ZNF596: variants seen among roughly 807,000 people sequenced by gnomAD.
ZNF596 encodes the protein zinc finger protein 596.
ZNF596 carries 45 observed loss-of-function variants against 48.3 expected under a neutral mutation model. That is an observed-to-expected ratio of 0.93 (90% CI 0.73 to 1.19). The LOEUF is 1.19. Among genes scored for constraint, ZNF596 ranks in the 50% most tolerant of loss-of-function variants. The pLI, the probability that ZNF596 is intolerant of heterozygous loss-of-function variation, is 0.00. For synonymous variants in ZNF596, 270 were observed against 202.0 expected, an observed-to-expected ratio of 1.34 and a Z score of -2.85; for missense variants, 848 against 599.7, an observed-to-expected ratio of 1.41 and a Z score of -4.32.
intron 1 of ZNF596, among the ~76,000 whole-genome samples, chr8:238,144 C>G (rs571865737): frequency 3.7e-4 from 57 of 152,310 alleles, no homozygotes; most frequent in African/African-American, 1.3e-3. Flanking sequence ...CCTTGGATGT[C>G]TTTCTTATAC....
chr8:245,751 TTAGGAG>T lies in ZNF596; in HGVS notation c.905_910del (p.Leu302_Asp304delinsTyr). The T allele has an allele frequency of 6.2e-7, 1 of 1,611,102 alleles. No individual in the cohort carries two copies. The highest frequency in any genetic ancestry group is 1.1e-5 in the South Asian group (1 of 90,926). ...CCTTAGAAAACATGAGAGAACTCACTTAGGAGATAAACCATATGGATGTCTCCTATG... is the reference window on the plus strand; with the variant it reads ...CCTTAGAAAACATGAGAGAACTCACTATAAACCATATGGATGTCTCCTATG... On this transcript the variant is annotated inframe_deletion, in exon 6 of 6. Transcript: ENST00000398612.
chr8:236,213 T>C (rs1796607283), intron 1 of ZNF596, among the ~76,000 whole-genome samples: 1 of 152,260 alleles, frequency 6.6e-6, no homozygotes, highest in African/African-American at 2.4e-5. Context: ...TTTTGTGTGT[T>C]TGCTTTTTTT....
Position 237,526 on chromosome 8 carries a change from C to G in ZNF596, c.-72-3298C>G, listed in dbSNP as rs1000199500. ...ATATCATGAATGTAATTGGAATACCCCTTTGATTTTACTGGTGACGTATAC... is the reference window on the plus strand; with the variant it reads ...ATATCATGAATGTAATTGGAATACCGCTTTGATTTTACTGGTGACGTATAC... On this transcript the variant is annotated intron_variant, in intron 1 of 5. Coordinates refer to ENST00000398612, the MANE Select transcript of ZNF596 (RefSeq NM_001042416.3). 28 of 152,008 alleles carry G rather than the reference C, an allele frequency of 1.8e-4. 1 individual carries two copies. Among genetic ancestry groups the G allele is most frequent in the African/African-American group, 6.3e-4 (26 of 41,404 alleles). The allele number at this position is 152,008 out of a possible 1,614,324, so 9.4% of individuals were successfully genotyped here.
chr8:246,143 T>G lies in ZNF596; in HGVS notation c.1296T>G (p.Ser432=). ...GCGGAAAAGCCTTCAATCACTCTTCTGTCCTTAGACGACATGAGAGAACTC... is the reference window on the plus strand; with the variant it reads ...GCGGAAAAGCCTTCAATCACTCTTCGGTCCTTAGACGACATGAGAGAACTC... ...HLCGKAFNHS[S]VLRRHERTHT... The change falls in exon 6 of 6, where the codon TCT becomes TCG. Residue 432 remains serine, a synonymous_variant. Transcript: ENST00000398612. 1 of 1,613,506 alleles carries G rather than the reference T, an allele frequency of 6.2e-7. No individual in the cohort carries two copies. Among genetic ancestry groups the G allele is most frequent in the South Asian group, 1.1e-5 (1 of 91,080 alleles).
intron 1 of ZNF596, among the ~76,000 whole-genome samples, chr8:236,144 G>A (rs978771697): frequency 1.3e-5 from 2 of 151,988 alleles, no homozygotes; most frequent in African/African-American, 4.8e-5. Context: ...ATTTACATGG[G>A]TCTACAAATT....
rs1796948095 is a variant in ZNF596, at chr8:243,775, CT to C, written c.196del (p.Ser66GlnfsTer5). 5 of 1,613,724 alleles carry C rather than the reference CT, an allele frequency of 3.1e-6. No individual in the cohort carries two copies. Among genetic ancestry groups the C allele is most frequent in the Non-Finnish European group, 3.4e-6 (4 of 1,179,810 alleles). On this transcript the variant is annotated frameshift_variant, in exon 4 of 6. Coordinates refer to ENST00000398612, the MANE Select transcript of ZNF596 (RefSeq NM_001042416.3). LOFTEE classifies it high-confidence loss of function. ...VLSQLEQVEK[L>X]STQRISLLQG... ...TTCCCAATTGGAGCAAGTAGAGAAA[CT>C]TTCAACACAAAGAATAAGCTTACTG...
At chr8:232,938 C>T (rs531957810) in intron 1 of ZNF596, 6 of 469,014 alleles carry the variant, frequency 1.3e-5, no homozygotes, top group South Asian at 7.7e-5. Context: ...TGCTTCTGCA[C>T]AATCGCCTCC....
Position 245,685 on chromosome 8 carries a change from A to G in ZNF596, c.838A>G (p.Ile280Val). The change falls in exon 6 of 6, where the codon ATA becomes GTA. Residue 280 changes from isoleucine (I) to valine (V), a missense_variant. Ile to Val is a conservative substitution (Grantham distance 29). Coordinates refer to ENST00000398612, the MANE Select transcript of ZNF596 (RefSeq NM_001042416.3). The part of the protein sequence containing the change: ...EMIHTREKAQ[I>V]CHLCGKAFTH... The stretch of plus-strand genomic sequence containing the variant: ...GATTCACACTAGAGAAAAAGCACAG[A>G]TATGCCATCTATGTGGGAAAGCCTT... 1 of 1,613,716 alleles carries G rather than the reference A, an allele frequency of 6.2e-7. No homozygotes were observed. The highest frequency in any genetic ancestry group is 8.5e-7 in the Non-Finnish European group (1 of 1,179,902).
intron 1 of ZNF596, 52 bp downstream of exon 1, chr8:232,746 T>C: frequency 7.3e-6 from 3 of 413,564 alleles, no homozygotes; most frequent in South Asian, 5.5e-5. Context: ...CTCGCCCCTC[T>C]TGGCCCCTCA....
intron 1 of ZNF596, among the ~76,000 whole-genome samples, chr8:234,081 G>C (rs141123694): frequency 1.9e-4 from 29 of 152,298 alleles, no homozygotes; most frequent in South Asian, 1.0e-3. Flanking sequence ...ATGAGGAGGA[G>C]GTGTTGGTTC....
chr8:232,914 T>G (rs1584896177), intron 1 of ZNF596: 1 of 469,002 alleles, frequency 2.1e-6, no homozygotes, highest in East Asian at 6.9e-5. Context: ...TGCCCGATCC[T>G]GTAACAACCC....
At chr8:241,440 C>A (rs1429817672) in intron 2 of ZNF596, among the ~76,000 whole-genome samples, 1 of 152,136 alleles carries the variant, frequency 6.6e-6, no homozygotes, top group Non-Finnish European at 1.5e-5. Context: ...ATCTCAAAAT[C>A]TTAATGTCTT....
Position 245,554 on chromosome 8 carries a change from C to T in ZNF596, c.707C>T (p.Ser236Phe). ...TGTGGGAAAGCCTTTACTCATTGCTCTGATCTTCGAAAACATGAGAGAACT... is the reference window on the plus strand; with the variant it reads ...TGTGGGAAAGCCTTTACTCATTGCTTTGATCTTCGAAAACATGAGAGAACT... ...HLCGKAFTHC[S>F]DLRKHERTHT... Residue 236 changes from serine (S) to phenylalanine (F), a missense_variant, in exon 6 of 6, where the codon TCT (serine) becomes TTT (phenylalanine). Ser to Phe is a radical substitution (Grantham distance 155). Transcript: ENST00000398612. The T allele has an allele frequency of 6.8e-6, 11 of 1,614,022 alleles. No homozygotes were observed. The highest frequency in any genetic ancestry group is 9.3e-6 in the Non-Finnish European group (11 of 1,179,980).
chr8:244,888 A>G (rs1264858928), intron 5 of ZNF596, among the ~76,000 whole-genome samples, 187 bp downstream of exon 5: 1 of 152,236 alleles, frequency 6.6e-6, no homozygotes, highest in Non-Finnish European at 1.5e-5. Flanking sequence ...GGACAACTGT[A>G]CAAACTTGAC....
Position 245,545 on chromosome 8 carries a change from C to A in ZNF596, c.698C>A (p.Thr233Asn), listed in dbSNP as rs1290178624. The A allele has an allele frequency of 6.2e-7, 1 of 1,613,956 alleles. No homozygotes were observed. Among genetic ancestry groups the A allele is most frequent in the East Asian group, 2.2e-5 (1 of 44,860 alleles). ...HGCHLCGKAFTHCSDLRKHER... is the reference protein window; with the variant it reads ...HGCHLCGKAFNHCSDLRKHER... ...TGTCATCTATGTGGGAAAGCCTTTA[C>A]TCATTGCTCTGATCTTCGAAAACAT... The change falls in exon 6 of 6, where the codon ACT becomes AAT. Residue 233 changes from threonine (T) to asparagine (N), a missense_variant. Transcript: ENST00000398612.
intron 1 of ZNF596, 42 bp downstream of exon 1, chr8:232,736 C>T (rs1796458737): frequency 7.4e-6 from 3 of 407,490 alleles, no homozygotes; most frequent in Non-Finnish European, 1.5e-5. Flanking sequence ...CGTCCCCACC[C>T]TCGCCCCTCT....
intron 3 of ZNF596, chr8:243,388 G>C (rs1796931879): frequency 3.5e-6 from 1 of 287,502 alleles, no homozygotes; most frequent in Non-Finnish European, 6.6e-6. Flanking sequence ...AGATTGTTCT[G>C]GTGGAGCTAA....
chr8:247,323 T>C lies in ZNF596; in HGVS notation c.*961T>C, dbSNP rs558028670. ...TATGTAAGAAGTAATAAGATTAAATTAGTACTGTCAAAAATACAAGCATTA... is the reference window on the plus strand; with the variant it reads ...TATGTAAGAAGTAATAAGATTAAATCAGTACTGTCAAAAATACAAGCATTA... On this transcript the variant is annotated 3_prime_UTR_variant, in exon 6 of 6. Coordinates refer to ENST00000398612, the MANE Select transcript of ZNF596 (RefSeq NM_001042416.3). 1 of 152,190 alleles carries C rather than the reference T, an allele frequency of 6.6e-6. No individual in the cohort carries two copies. The highest frequency in any genetic ancestry group is 1.9e-4 in the East Asian group (1 of 5,200). 9.4% of individuals were successfully genotyped at this position (152,190 alleles called of 1,614,324 possible). A position where few individuals can be genotyped will look rare whatever the true frequency, so the allele number is the denominator to read the frequency against.
intron 1 of ZNF596, chr8:237,686 G>C (rs1796675320): frequency 6.6e-6 from 1 of 152,150 alleles, no homozygotes; most frequent in African/African-American, 2.4e-5. Context: ...GTTTCTCTTT[G>C]AATTTGGATG....
Sources: gnomAD v4.1 joint callset for allele counts (sites outside exome capture counted in the v4.1 genomes callset) on GRCh38, gnomAD v4.1.1 for gene constraint, MANE v1.5 for transcripts, NCBI Gene and HGNC (gene_info 2026-07-23, HGNC 2026-07-21) for gene names.